Variants in GYS2 observed in about 807,000 individuals in gnomAD.
GYS2 encodes the protein glycogen [starch] synthase, liver.
A neutral mutation model predicts 85.6 loss-of-function variants in GYS2; 80 were observed. The ratio of observed to expected loss-of-function variants is 0.93; its 90% CI spans 0.78 to 1.13. The LOEUF is 1.13. GYS2 is among the 50% of genes most tolerant of loss of function. The pLI is 0.00. For missense variants in GYS2, 881 were observed against 854.9 expected (o/e 1.03, Z -0.38); for synonymous variants, 328 against 300.7 (o/e 1.09, Z -0.94).
In GYS2 at chr12:21,540,526, T is replaced by G; in HGVS notation, c.1693A>C (p.Asn565His). Residue 565 changes from asparagine to histidine, a missense_variant, in exon 14 of 16, where the codon AAT (asparagine) becomes CAT (histidine). Transcript: ENST00000261195. ...CCATAGAGAAACTTAGTCAGCTGAT[T>G]GCAAGAATCATCTGGAGAACGGAAC... is the stretch of plus-strand genomic sequence containing the variant. The part of the protein sequence containing the change: ...RRFRSPDDSC[N>H]QLTKFLYGFC... The G allele has an allele frequency of 6.2e-7, 1 of 1,614,024 alleles. No homozygotes were observed. The highest frequency in any genetic ancestry group is 8.5e-7 in the Non-Finnish European group (1 of 1,179,900).
chr12:21,596,522 A>G (rs1018906990), intron 1 of GYS2, among the ~76,000 whole-genome samples: 1 of 152,172 alleles, frequency 6.6e-6, no homozygotes, highest in African/African-American at 2.4e-5. Context: ...CAATAGATGC[A>G]GAAAAAGCAT....
intron 11 of GYS2, among the ~76,000 whole-genome samples, chr12:21,557,015 G>T (rs1944188295): frequency 6.6e-6 from 1 of 152,186 alleles, no homozygotes; most frequent in African/African-American, 2.4e-5. Flanking sequence ...TGTGGGGATT[G>T]AAATCTTAGA....
rs1200680195 is a variant in GYS2 at position 21,565,242 on chromosome 12, GAAAA to G, written c.824-1901_824-1898del. Among the ~76,000 whole-genome samples the G allele has an allele frequency of 9.9e-5, 15 of 151,212 alleles. No individual in the cohort carries two copies. In the South Asian group the frequency reaches 2.1e-3, roughly 21 times the overall value. On this transcript the variant is annotated intron_variant, in intron 5 of 15. Coordinates refer to ENST00000261195, the MANE Select transcript of GYS2 (RefSeq NM_021957.4). ...CAAAGAGTACTCCAGGAAAAAGAGA[GAAAA>G]AGAGAGAGAGAGATAGATAATTTTA... is the stretch of plus-strand genomic sequence containing the variant.
chr12:21,556,428 C>G (rs1375081981), intron 11 of GYS2, among the ~76,000 whole-genome samples: 1 of 152,196 alleles, frequency 6.6e-6, no homozygotes, highest in Non-Finnish European at 1.5e-5. Flanking sequence ...ACCGCAACCT[C>G]CCAAAGGGCT....
chr12:21,541,280 A>AAAC (rs1555153464), intron 13 of GYS2, among the ~76,000 whole-genome samples: 35 of 140,248 alleles, frequency 2.5e-4, no homozygotes, highest in African/African-American at 8.8e-4. Context: ...AAAAAAAAAA[A>AAAC]AAAAAAAAAA....
chr12:21,564,482 T>C (rs1021563722), intron 5 of GYS2, among the ~76,000 whole-genome samples: 27 of 152,116 alleles, frequency 1.8e-4, no homozygotes, highest in Admixed American at 4.6e-4. Context: ...TTTCTTGACA[T>C]GGTTCCACAA....
intron 1 of GYS2, among the ~76,000 whole-genome samples, chr12:21,599,406 A>T (rs1944730554): frequency 6.6e-6 from 1 of 152,188 alleles, no homozygotes; most frequent in South Asian, 2.1e-4. Context: ...CCTCAGTTAA[A>T]ATCAAAGCAG....
At chr12:21,570,827 T>C (rs1208979047) in intron 4 of GYS2, among the ~76,000 whole-genome samples, 7 of 152,220 alleles carry the variant, frequency 4.6e-5, no homozygotes, top group African/African-American at 1.7e-4. Context: ...TGAAAGTGTT[T>C]ATTTAGAGGT....
At chr12:21,575,390 A>G (rs1944433210) in intron 3 of GYS2, among the ~76,000 whole-genome samples, 1 of 152,162 alleles carries the variant, frequency 6.6e-6, no homozygotes, top group Non-Finnish European at 1.5e-5. Flanking sequence ...CATTTCCTTA[A>G]TAGAGACAAT....
intron 11 of GYS2, among the ~76,000 whole-genome samples, chr12:21,553,068 G>A (rs150923286): frequency 2.0e-5 from 3 of 152,280 alleles, no homozygotes; most frequent in African/African-American, 7.2e-5. Context: ...AATTCTTTTT[G>A]AGATGGGGTC....
At chr12:21,581,806 T>A (rs769875287) in intron 1 of GYS2, among the ~76,000 whole-genome samples, 1 of 152,140 alleles carries the variant, frequency 6.6e-6, no homozygotes, top group Non-Finnish European at 1.5e-5. Context: ...AGAAACAACT[T>A]ACACTGAACT....
chr12:21,563,692 G>A (rs10770834), intron 5 of GYS2, among the ~76,000 whole-genome samples: 110,194 of 152,062 alleles, frequency 0.72, 40,212 homozygotes, highest in South Asian at 0.79. Context: ...GGCTTAGAGT[G>A]TAACTCAATC....
chr12:21,536,992 G>A lies in GYS2; in HGVS notation c.2074C>T (p.His692Tyr). 1 of 1,613,876 alleles carries A rather than the reference G, an allele frequency of 6.2e-7. No individual in the cohort carries two copies. ...TCACCATGCAGCTTTTTCTTCCCAT[G>A]AGGAACGTGGCTCAGTGAAAATGGT... is the stretch of plus-strand genomic sequence containing the variant. ...KSPFSLSHVP[H>Y]GKKKLHGEYK... The change falls in exon 16 of 16, where the codon CAT (histidine) becomes TAT (tyrosine). Residue 692 changes from histidine (H) to tyrosine (Y), a missense_variant. By Grantham distance (83) the His-to-Tyr change is moderately conservative. Coordinates refer to ENST00000261195, the MANE Select transcript of GYS2 (RefSeq NM_021957.4).
At chr12:21,600,716 T>G (rs1453473601) in intron 1 of GYS2, among the ~76,000 whole-genome samples, 1 of 152,154 alleles carries the variant, frequency 6.6e-6, no homozygotes, top group African/African-American at 2.4e-5. Context: ...TGCACCTAAT[T>G]TTTAGATATA....
At chr12:21,587,124 G>T (rs1158193711) in intron 1 of GYS2, among the ~76,000 whole-genome samples, 1 of 152,142 alleles carries the variant, frequency 6.6e-6, no homozygotes, top group Non-Finnish European at 1.5e-5. Context: ...AGCCAAGTGG[G>T]AGCTAAACGA....
chr12:21,580,665 A>G, intron 1 of GYS2, 142 bp from the exon 2 acceptor site: 1 of 713,978 alleles, frequency 1.4e-6, no homozygotes, highest in Non-Finnish European at 2.5e-6. Flanking sequence ...CAAAAATAAT[A>G]GTATTTGACA....
At chr12:21,581,598 A>G (rs1277568155) in intron 1 of GYS2, among the ~76,000 whole-genome samples, 1 of 152,178 alleles carries the variant, frequency 6.6e-6, no homozygotes, top group South Asian at 2.1e-4. Context: ...TTGTCCTGCT[A>G]CACTAGAATC....
At chr12:21,583,282 C>A (rs1223691517) in intron 1 of GYS2, among the ~76,000 whole-genome samples, 2 of 152,156 alleles carry the variant, frequency 1.3e-5, no homozygotes, top group African/African-American at 2.4e-5. Flanking sequence ...TGGTTTGGGG[C>A]TCTTTGAGAT....
At position 21,539,446 on chromosome 12, in the gene GYS2, T is replaced by C. The variant is rs1001810974; in HGVS notation, c.1810-108A>G. On this transcript the variant is annotated intron_variant, in intron 14 of 15. Transcript: ENST00000261195. ...CCTAGTTCTGAAACATATGTATTTTTTAAAGTGACAGAATCTATGCAGTCT... is the reference window on the plus strand; with the variant it reads ...CCTAGTTCTGAAACATATGTATTTTCTAAAGTGACAGAATCTATGCAGTCT... 13 of 751,112 alleles carry C rather than the reference T, an allele frequency of 1.7e-5. No homozygotes were observed. The East Asian group carries it at 2.7e-4, about 16-fold the overall frequency. The allele number at this position is 751,112 out of a possible 1,614,324, so 46.5% of individuals were successfully genotyped here.
Sources: allele counts gnomAD v4.1 joint callset (sites outside exome capture counted in the v4.1 genomes callset), GRCh38; gene constraint gnomAD v4.1.1; transcripts MANE v1.5; gene names NCBI Gene and HGNC (gene_info 2026-07-23, HGNC 2026-07-21).